Variants in FHIP1A observed in about 807,000 individuals in gnomAD.
FHIP1A encodes the protein FHF complex subunit HOOK interacting protein 1A, also known as FHF complex subunit HOOK-interacting protein 1A.
Under a neutral mutation model 88.6 loss-of-function variants are expected in FHIP1A, and 61 were observed. The observed-to-expected ratio is 0.69, with a 90% confidence interval of 0.56 to 0.85. The LOEUF (loss-of-function observed/expected upper bound fraction) is 0.85, where lower values mean the gene tolerates loss of function less well. Ranked by LOEUF, FHIP1A falls within the 40% of genes least tolerant of loss-of-function variation. The probability of loss-of-function intolerance (pLI) is 0.00; values close to 1 mark genes in which losing one functional copy is unlikely to be tolerated. For synonymous variants in FHIP1A, 478 were observed against 496.0 expected, an observed-to-expected ratio of 0.96 and a Z score of 0.48; for missense variants, 1,154 against 1,273.5, an observed-to-expected ratio of 0.91 and a Z score of 1.43.
chr4:151,465,839 ACT>A (rs1428601202), intron 2 of FHIP1A, among the ~76,000 whole-genome samples: 1 of 152,190 alleles, frequency 6.6e-6, no homozygotes, highest in Non-Finnish European at 1.5e-5. Flanking sequence ...CATGTTACAA[ACT>A]CTCAATAAAC....
intron 7 of FHIP1A, among the ~76,000 whole-genome samples, chr4:151,626,728 A>G (rs1045957238): frequency 2.0e-5 from 3 of 152,216 alleles, no homozygotes; most frequent in Non-Finnish European, 4.4e-5. Flanking sequence ...AAATTAAATA[A>G]ATATTGATAG....
chr4:151,637,942 G>A (rs1281246881), intron 8 of FHIP1A, among the ~76,000 whole-genome samples: 3 of 152,100 alleles, frequency 2.0e-5, no homozygotes, highest in Non-Finnish European at 4.4e-5. Flanking sequence ...CAAAGAATGA[G>A]AGCTTAAAAT....
intron 7 of FHIP1A, among the ~76,000 whole-genome samples, chr4:151,623,544 G>A (rs753626192): frequency 3.7e-4 from 17 of 45,578 alleles, no homozygotes; most frequent in African/African-American, 1.0e-3. Context: ...TTTTTTTTTC[G>A]CCTCAATTTG....
rs1366012179 is a variant in FHIP1A, at chr4:151,649,878, C to G, written c.1837C>G (p.Pro613Ala). ...EVSGPPAPID[P>A]PKHIQEMKKN... ...TTCAGGCCCCCCAGCACCCATTGAT[C>G]CCCCCAAACACATCCAGGAGATGAA... Residue 613 changes from proline (P) to alanine (A), a missense_variant, in exon 11 of 14, where the codon CCC becomes GCC. Transcript: ENST00000435205. The G allele has an allele frequency of 3.2e-6, 5 of 1,551,382 alleles. No individual in the cohort carries two copies. Among genetic ancestry groups the G allele is most frequent in the Non-Finnish European group, 4.4e-6 (5 of 1,146,940 alleles).
intron 7 of FHIP1A, among the ~76,000 whole-genome samples, chr4:151,617,152 G>C (rs1183269563): frequency 1.3e-5 from 2 of 152,172 alleles, no homozygotes; most frequent in Non-Finnish European, 2.9e-5. Context: ...TCCTTTCCTG[G>C]AGAAGAATTA....
intron 7 of FHIP1A, among the ~76,000 whole-genome samples, chr4:151,589,456 T>G (rs1429394830): frequency 3.3e-5 from 5 of 152,242 alleles, no homozygotes; most frequent in Non-Finnish European, 7.3e-5. Context: ...TATGACTCTC[T>G]CATTTTGTAT....
At chr4:151,659,020 G>A (rs1465349025) in intron 13 of FHIP1A, among the ~76,000 whole-genome samples, 2 of 152,046 alleles carry the variant, frequency 1.3e-5, no homozygotes, top group African/African-American at 4.8e-5. Flanking sequence ...GAAGGGGTGG[G>A]GGTCACTCAC....
intron 3 of FHIP1A, among the ~76,000 whole-genome samples, chr4:151,519,737 G>C (rs1731387411): frequency 6.6e-6 from 1 of 152,112 alleles, no homozygotes; most frequent in African/African-American, 2.4e-5. Context: ...TGACAGGCCT[G>C]TTTTCAAAGT....
intron 11 of FHIP1A, among the ~76,000 whole-genome samples, chr4:151,652,219 T>TATATA (rs1737056951): frequency 6.6e-6 from 1 of 152,210 alleles, no homozygotes; most frequent in African/African-American, 2.4e-5. Context: ...ATTTTACATA[T>TATATA]AATACACCTG....
intron 1 of FHIP1A, among the ~76,000 whole-genome samples, chr4:151,417,422 C>T (rs1334177467): frequency 6.6e-6 from 1 of 152,172 alleles, no homozygotes; most frequent in African/African-American, 2.4e-5. Flanking sequence ...AGTGACCAAT[C>T]AGAGGCTGAA....
At chr4:151,435,493 A>C (rs991738308) in intron 1 of FHIP1A, among the ~76,000 whole-genome samples, 1 of 152,168 alleles carries the variant, frequency 6.6e-6, no homozygotes, top group Non-Finnish European at 1.5e-5. Flanking sequence ...GTTGGTATAA[A>C]TCTAAATGGG....
At chr4:151,411,100 G>T (rs760454034) in intron 1 of FHIP1A, among the ~76,000 whole-genome samples, 7 of 152,180 alleles carry the variant, frequency 4.6e-5, no homozygotes, top group Admixed American at 1.3e-4. Flanking sequence ...TTTAATGGAG[G>T]ACTTGAAGAC....
Position 151,645,731 on chromosome 4 carries a change from G to GT in FHIP1A, c.1227-819dup, listed in dbSNP as rs979029511. Among the ~76,000 whole-genome samples, 6 of 151,248 alleles carry GT rather than the reference G, an allele frequency of 4.0e-5. No homozygotes were observed. The East Asian group carries it at 5.8e-4, about 15-fold the overall frequency. The stretch of plus-strand genomic sequence containing the variant: ...CCATTTTTGTTTAAATAAGCAGTAT[G>GT]TTTTTTTTCCCTGTTAAGAAAGTAA... On this transcript the variant is annotated intron_variant, in intron 9 of 13. Coordinates refer to ENST00000435205, the MANE Select transcript of FHIP1A (RefSeq NM_001109977.3).
At position 151,660,878 on chromosome 4, in the gene FHIP1A, C is replaced by T. The variant is rs149761944; in HGVS notation, c.2870-1623C>T. On this transcript the variant is annotated intron_variant, in intron 13 of 13. Transcript: ENST00000435205. ...CCTGTGTACTTTATACCTATTGACT[C>T]ATTTAATCCTTATAACAACTCTATG... Among the ~76,000 whole-genome samples, 3 of 152,228 alleles carry T rather than the reference C, an allele frequency of 2.0e-5. No individual in the cohort carries two copies. In the East Asian group the frequency reaches 5.8e-4, roughly 29 times the overall value.
In FHIP1A at chr4:151,665,780, C is replaced by CT. The variant is rs1324584112; in HGVS notation, c.*3033dup. Among the ~76,000 whole-genome samples, 30 of 152,272 alleles carry CT rather than the reference C, an allele frequency of 2.0e-4. No homozygotes were observed. Among genetic ancestry groups the CT allele is most frequent in the African/African-American group, 6.3e-4 (26 of 41,540 alleles). On this transcript the variant is annotated 3_prime_UTR_variant, in exon 14 of 14. Coordinates refer to ENST00000435205, the MANE Select transcript of FHIP1A (RefSeq NM_001109977.3). ...TAAATCGGCAAGCCCTTAGAAATAT[C>CT]TTTTTTTATAATGAGTTGGGGGGAA...
At chr4:151,476,977 T>TA (rs574889888) in intron 2 of FHIP1A, among the ~76,000 whole-genome samples, 9 of 151,320 alleles carry the variant, frequency 5.9e-5, no homozygotes, top group Middle Eastern at 3.4e-3. Flanking sequence ...TCCTGATGTG[T>TA]AAAAAAAAAG....
intron 3 of FHIP1A, among the ~76,000 whole-genome samples, chr4:151,550,845 G>T (rs1732701910): frequency 6.6e-6 from 1 of 152,288 alleles, no homozygotes; most frequent in East Asian, 1.9e-4. Context: ...AGAGAAGCAG[G>T]ACTGTGCAGA....
chr4:151,434,060 T>C (rs1733705665), intron 1 of FHIP1A, among the ~76,000 whole-genome samples: 1 of 152,210 alleles, frequency 6.6e-6, no homozygotes, highest in Non-Finnish European at 1.5e-5. Flanking sequence ...GAAAATTATA[T>C]AACTAATCAT....
intron 3 of FHIP1A, among the ~76,000 whole-genome samples, chr4:151,519,226 C>T (rs145275120): frequency 2.0e-5 from 3 of 152,196 alleles, no homozygotes; most frequent in African/African-American, 7.2e-5. Context: ...CCCTTCTGAC[C>T]CTTCCCAGTC....
Sources: allele counts gnomAD v4.1 joint callset (sites outside exome capture counted in the v4.1 genomes callset), GRCh38; gene constraint gnomAD v4.1.1; transcripts MANE v1.5; gene names NCBI Gene and HGNC (gene_info 2026-07-23, HGNC 2026-07-21).